WDR47: variants seen among roughly 807,000 people sequenced by gnomAD.
WDR47 encodes WD repeat domain 47, also known as WD repeat-containing protein 47.
A neutral mutation model predicts 97.2 loss-of-function variants in WDR47; 32 were observed. The ratio of observed to expected loss-of-function variants is 0.33; its 90% CI spans 0.25 to 0.44. The LOEUF (loss-of-function observed/expected upper bound fraction) is 0.44, where lower values mean the gene tolerates loss of function less well. Among genes scored for constraint, WDR47 ranks in the 20% least tolerant of loss-of-function variants. The pLI is 1.00. For missense variants in WDR47, 782 were observed against 1,102.3 expected, an observed-to-expected ratio of 0.71 and a Z score of 4.11; for synonymous variants, 375 against 373.5, an observed-to-expected ratio of 1.00 and a Z score of -0.05.
intron 3 of WDR47, among the ~76,000 whole-genome samples, chr1:109,014,314 A>C (rs1661255541): frequency 6.6e-6 from 1 of 152,196 alleles, no homozygotes; most frequent in South Asian, 2.1e-4. Context: ...GAAAGATTAA[A>C]TCAAATATTT....
chr1:109,018,707 C>T (rs1329843404), intron 2 of WDR47, among the ~76,000 whole-genome samples: 2 of 151,552 alleles, frequency 1.3e-5, no homozygotes, highest in Admixed American at 6.6e-5. Context: ...CCCAGCTACT[C>T]GGGAGGCTGA....
chr1:109,005,643 G>C (rs1660541051), intron 5 of WDR47, among the ~76,000 whole-genome samples: 1 of 152,160 alleles, frequency 6.6e-6, no homozygotes, highest in Non-Finnish European at 1.5e-5. Flanking sequence ...AGGAGGCCGA[G>C]GCAGGCAGAT....
Position 109,030,793 on chromosome 1 carries a change from C to T in WDR47, c.-9-7272G>A, listed in dbSNP as rs192272018. ...AAAAAAAGGAGAAAAAAACTGCTAG[C>T]TGTTTTTAATAACATGGCATTCAAA... On this transcript the variant is annotated intron_variant, in intron 1 of 14. Coordinates refer to ENST00000369962, the MANE Select transcript of WDR47 (RefSeq NM_001142551.2). Among the ~76,000 whole-genome samples, 4 of 135,462 alleles carry T rather than the reference C, an allele frequency of 3.0e-5. 1 individual carries two copies. In the Admixed American group the frequency reaches 3.2e-4, roughly 11 times the overall value. The allele number at this position is 135,462 out of a possible 152,430, so 88.9% of individuals were successfully genotyped here. A position where few individuals can be genotyped will look rare whatever the true frequency, so the allele number is the denominator to read the frequency against.
intron 1 of WDR47, among the ~76,000 whole-genome samples, chr1:109,036,272 CT>C (rs1239778263): frequency 6.6e-6 from 1 of 152,026 alleles, no homozygotes; most frequent in Non-Finnish European, 1.5e-5. Context: ...GTTAATCCCC[CT>C]CCTAAAGAAC....
intron 10 of WDR47, 83 bp downstream of exon 10, chr1:108,986,440 T>C (rs1658819048): frequency 3.2e-6 from 4 of 1,257,224 alleles, no homozygotes; most frequent in Middle Eastern, 2.0e-4. Flanking sequence ...GAAACACTAC[T>C]GAATGGCAAT....
chr1:109,026,320 G>A (rs575111307), intron 1 of WDR47, among the ~76,000 whole-genome samples: 3 of 149,928 alleles, frequency 2.0e-5, no homozygotes, highest in Admixed American at 6.8e-5. Context: ...CAAAGTGTTG[G>A]GATTACAGGG....
intron 8 of WDR47, chr1:108,992,823 T>A: frequency 6.5e-7 from 1 of 1,545,882 alleles, no homozygotes. Context: ...CAAAAACTTA[T>A]GGCACGGGAG....
intron 6 of WDR47, among the ~76,000 whole-genome samples, chr1:109,003,887 A>G (rs1230315223): frequency 2.0e-5 from 3 of 152,180 alleles, no homozygotes; most frequent in African/African-American, 7.2e-5. Flanking sequence ...CTGGATTTGG[A>G]TAAAAGTTTT....
intron 14 of WDR47, among the ~76,000 whole-genome samples, chr1:108,974,139 G>C (rs111440275): frequency 7.2e-4 from 110 of 151,986 alleles, no homozygotes; most frequent in African/African-American, 2.5e-3. Flanking sequence ...AGGATACAGT[G>C]AGCTAAGATC....
chr1:109,004,539 T>C (rs776744030), intron 6 of WDR47, 53 bp downstream of exon 6: 61 of 1,527,816 alleles, frequency 4.0e-5, no homozygotes, highest in Non-Finnish European at 5.1e-5. Context: ...TAAATTCTAT[T>C]ACTTCTTACA....
intron 7 of WDR47, among the ~76,000 whole-genome samples, chr1:108,996,657 T>C (rs548039187): frequency 2.6e-5 from 4 of 152,344 alleles, no homozygotes; most frequent in Admixed American, 6.5e-5. Context: ...ACAAATACTA[T>C]TGGCCAGTCT....
chr1:109,036,836 AAAATAAATAAAT>A (rs528938167), intron 1 of WDR47, among the ~76,000 whole-genome samples: 1 of 152,056 alleles, frequency 6.6e-6, no homozygotes, highest in Non-Finnish European at 1.5e-5. Flanking sequence ...ACTCCATCTC[AAAATAAATAAAT>A]AAATAAATAA....
At chr1:108,971,622 T>C (rs1427074031) in intron 14 of WDR47, 50 bp from the exon 15 acceptor site, 2 of 1,595,858 alleles carry the variant, frequency 1.3e-6, no homozygotes. Flanking sequence ...AGTATATGTA[T>C]AGATTGTATA....
intron 10 of WDR47, among the ~76,000 whole-genome samples, chr1:108,985,717 T>C (rs928924268): frequency 6.6e-6 from 1 of 152,182 alleles, no homozygotes; most frequent in Admixed American, 6.5e-5. Context: ...ATACAAAAGA[T>C]GAGAAACAGT....
At chr1:109,020,556 C>T (rs889752567) in intron 2 of WDR47, among the ~76,000 whole-genome samples, 5 of 152,086 alleles carry the variant, frequency 3.3e-5, no homozygotes, top group African/African-American at 1.2e-4. Context: ...GCCACTGTGC[C>T]CAGCCGAACA....
At chr1:108,975,602 C>T (rs1399824382) in intron 13 of WDR47, among the ~76,000 whole-genome samples, 1 of 150,782 alleles carries the variant, frequency 6.6e-6, no homozygotes, top group African/African-American at 2.4e-5. Context: ...ACCTGGGCGA[C>T]AGAGCGAGAC....
At chr1:109,030,642 A>AGGC in intron 1 of WDR47, among the ~76,000 whole-genome samples, 1 of 90,472 alleles carries the variant, frequency 1.1e-5, no homozygotes, top group East Asian at 3.3e-4. Context: ...AACATGGAAC[A>AGGC]ATAGTGCTTT....
intron 4 of WDR47, among the ~76,000 whole-genome samples, chr1:109,012,053 C>T (rs1441705569): frequency 1.3e-5 from 2 of 152,108 alleles, no homozygotes; most frequent in Non-Finnish European, 2.9e-5. Flanking sequence ...CTCTTGGGCT[C>T]AAGTGATCCC....
rs1284029291 is a variant in WDR47, at chr1:109,002,268, A to C, written c.1389T>G (p.Asp463Glu). ...MLLEGGVNQE[D>E]GPDQQQNLTE... Reference sequence around the variant, plus strand: ...TAAGATTCTGCTGCTGATCAGGACCATCCTCCTGATTCACGCCTCCTTCAA... The same window carrying C: ...TAAGATTCTGCTGCTGATCAGGACCCTCCTCCTGATTCACGCCTCCTTCAA... Residue 463 changes from aspartate to glutamate, a missense_variant, in exon 7 of 15, where the codon GAT becomes GAG. Transcript: ENST00000369962. The C allele has an allele frequency of 6.2e-7, 1 of 1,611,698 alleles. No homozygotes were observed. Among genetic ancestry groups the C allele is most frequent in the Non-Finnish European group, 8.5e-7 (1 of 1,179,750 alleles).
Sources: gnomAD v4.1 joint callset for allele counts (sites outside exome capture counted in the v4.1 genomes callset) on GRCh38, gnomAD v4.1.1 for gene constraint, MANE v1.5 for transcripts, NCBI Gene and HGNC (gene_info 2026-07-23, HGNC 2026-07-21) for gene names.